MMP26: variants seen among roughly 807,000 people sequenced by gnomAD.
The protein encoded by MMP26 is matrix metalloproteinase-26.
In MMP26, 33 loss-of-function variants were observed where a neutral mutation model predicts 31.0. The observed-to-expected ratio is 1.06, with a 90% confidence interval of 0.81 to 1.42. The LOEUF is 1.42. MMP26 is among the 40% of genes most tolerant of loss of function. MMP26 has a pLI of 0.00. For missense variants in MMP26, 347 were observed against 316.1 expected, an observed-to-expected ratio of 1.10 and a Z score of -0.74; for synonymous variants, 122 against 114.9, an observed-to-expected ratio of 1.06 and a Z score of -0.40.
chr11:4,742,463 C>A (rs1377679315), intron 1 of MMP26, among the ~76,000 whole-genome samples: 2 of 152,062 alleles, frequency 1.3e-5, no homozygotes, highest in Non-Finnish European at 2.9e-5. Flanking sequence ...TGGTTAATTT[C>A]ATGTGTCAAC....
chr11:4,923,914 A>C (rs1488206311), intron 2 of MMP26: 5 of 1,614,050 alleles, frequency 3.1e-6, no homozygotes, highest in Non-Finnish European at 3.4e-6. Flanking sequence ...TCTTGACAAT[A>C]CATGCAGGTG....
At chr11:4,936,383 C>T in intron 2 of MMP26, among the ~76,000 whole-genome samples, 1 of 151,946 alleles carries the variant, frequency 6.6e-6, no homozygotes, top group Non-Finnish European at 1.5e-5. Flanking sequence ...TTGTAGTATT[C>T]TCTGATGGTA....
chr11:4,901,412 G>A (rs1007168407), intron 2 of MMP26, among the ~76,000 whole-genome samples: 2 of 151,788 alleles, frequency 1.3e-5, no homozygotes, highest in South Asian at 2.1e-4. Context: ...CGCCTGCCTC[G>A]GCCTCCCAAA....
intron 2 of MMP26, among the ~76,000 whole-genome samples, chr11:4,917,707 A>G (rs1589938787): frequency 6.6e-6 from 1 of 152,190 alleles, no homozygotes; most frequent in Non-Finnish European, 1.5e-5. Context: ...TGTCAGGGAC[A>G]GACAAGCTAC....
intron 2 of MMP26, chr11:4,795,276 C>T (rs940011356): frequency 2.0e-5 from 3 of 152,204 alleles, no homozygotes; most frequent in African/African-American, 7.2e-5. Context: ...CCTGGAAAGA[C>T]ACAAGAAGCA....
At chr11:4,924,907 T>A (rs1851247230) in intron 2 of MMP26, among the ~76,000 whole-genome samples, 1 of 152,220 alleles carries the variant, frequency 6.6e-6, no homozygotes, top group African/African-American at 2.4e-5. Flanking sequence ...TCCTGTAATA[T>A]CTGAACTGAG....
chr11:4,857,350 G>T (rs1211646622), intron 2 of MMP26, among the ~76,000 whole-genome samples: 1 of 151,912 alleles, frequency 6.6e-6, no homozygotes, highest in Non-Finnish European at 1.5e-5. Context: ...AAGAAGAAAA[G>T]AGAGAAGAAT....
At chr11:4,944,116 G>T (rs1410610734) in intron 2 of MMP26, 14 of 455,450 alleles carry the variant, frequency 3.1e-5, no homozygotes, top group Non-Finnish European at 5.3e-5. Context: ...GTAAGGTTTT[G>T]GAAAAGGTAG....
chr11:4,915,129 G>A (rs1439445813), intron 2 of MMP26: 2 of 1,613,978 alleles, frequency 1.2e-6, no homozygotes, highest in African/African-American at 2.7e-5. Context: ...GAATGTGAGA[G>A]AACTGGGGAG....
rs186812342 is a variant in MMP26, at chr11:4,971,936, C to A, written c.-144-16132C>A. 9.2e-5 allele frequency among the ~76,000 whole-genome samples: 14 copies of A among 152,226 alleles called. No homozygotes were observed. The East Asian group carries it at 2.5e-3, about 27-fold the overall frequency. ...TAGAGTGAGAACTCACTCAATCCTG[C>A]AAGAATGGTACCACGCCCTTCATGA... On this transcript the variant is annotated intron_variant, in intron 2 of 7. Transcript: ENST00000380390.
chr11:4,977,889 T>C (rs1846759078), intron 2 of MMP26, among the ~76,000 whole-genome samples: 1 of 152,028 alleles, frequency 6.6e-6, no homozygotes, highest in South Asian at 2.1e-4. Flanking sequence ...TATTTGTGCA[T>C]TGATATGGTA....
At chr11:4,856,748 C>T (rs1246281508) in intron 2 of MMP26, among the ~76,000 whole-genome samples, 1 of 152,310 alleles carries the variant, frequency 6.6e-6, no homozygotes, top group East Asian at 1.9e-4. Context: ...GAACTCTCCA[C>T]CCCAAATCAA....
intron 1 of MMP26, among the ~76,000 whole-genome samples, chr11:4,722,311 G>A (rs1848023279): frequency 6.6e-6 from 1 of 151,960 alleles, no homozygotes; most frequent in South Asian, 2.1e-4. Context: ...TTTATTTCCT[G>A]CTGATTTTGT....
intron 1 of MMP26, chr11:4,723,663 G>A: frequency 4.6e-6 from 4 of 875,032 alleles, no homozygotes; most frequent in Non-Finnish European, 7.9e-6. Flanking sequence ...TGTTCTTGCA[G>A]TTCTCCATCA....
chr11:4,921,238 A>T (rs7125385), intron 2 of MMP26, among the ~76,000 whole-genome samples: 2,106 of 152,320 alleles, frequency 0.014, 52 homozygotes, highest in African/African-American at 0.048. Context: ...CACAATTCAG[A>T]TGTAGTCCAA....
chr11:4,861,218 T>C (rs1391106776), intron 2 of MMP26, among the ~76,000 whole-genome samples: 2 of 150,252 alleles, frequency 1.3e-5, no homozygotes, highest in Non-Finnish European at 3.0e-5. Flanking sequence ...AGTTTCCAAG[T>C]ATATACATAT....
intron 1 of MMP26, among the ~76,000 whole-genome samples, chr11:4,734,858 C>G (rs1391668099): frequency 1.6e-5 from 1 of 63,784 alleles, no homozygotes; most frequent in Non-Finnish European, 3.2e-5. Context: ...CAGCTTGTAT[C>G]TCTTGGCATG....
At chr11:4,856,662 A>G (rs1468365861) in intron 2 of MMP26, among the ~76,000 whole-genome samples, 5 of 152,188 alleles carry the variant, frequency 3.3e-5, no homozygotes, top group Non-Finnish European at 1.5e-5. Flanking sequence ...AGACAGATCA[A>G]TGAGACAGAA....
intron 1 of MMP26, among the ~76,000 whole-genome samples, chr11:4,739,574 C>T (rs961604516): frequency 6.6e-6 from 1 of 151,840 alleles, no homozygotes; most frequent in Non-Finnish European, 1.5e-5. Flanking sequence ...TGACTCCAAC[C>T]ACTTGATATG....
Sources: gnomAD v4.1 joint callset for allele counts (sites outside exome capture counted in the v4.1 genomes callset) on GRCh38, gnomAD v4.1.1 for gene constraint, MANE v1.5 for transcripts, NCBI Gene and HGNC (gene_info 2026-07-23, HGNC 2026-07-21) for gene names.